The following RIF1 variants were observed in gnomAD, a reference collection of about 807,000 sequenced individuals.
The protein encoded by RIF1 is replication timing regulatory factor 1.
RIF1 carries 45 observed loss-of-function variants against 247.1 expected under a neutral mutation model. The observed-to-expected ratio is 0.18, with a 90% CI of 0.14 to 0.23. The LOEUF is 0.23. Ranked by LOEUF, RIF1 falls within the 10% of genes least tolerant of loss-of-function variation. RIF1 has a pLI of 1.00. For missense variants in RIF1, 2,967 were observed against 2,862.5 expected (o/e 1.04, Z -0.83); for synonymous variants, 1,087 against 978.8 (o/e 1.11, Z -2.06).
At chr2:151,531,308 C>CTTTTTTTTTTTTTT in the RIF1 span, among the ~76,000 whole-genome samples, 1 of 84,030 alleles carries the variant, frequency 1.2e-5, no homozygotes, top group Non-Finnish European at 2.2e-5. Context: ...TTTTTTCTTT[C>CTTTTTTTTTTTTTT]TTTTTTTTTT....
intron 9 of RIF1, chr2:151,492,272 G>C: frequency 6.2e-7 from 1 of 1,611,358 alleles, no homozygotes; most frequent in Non-Finnish European, 8.5e-7. Context: ...AAGTCTTCAT[G>C]ATATTTCACC....
rs1687270364 is a variant in RIF1 at position 151,416,703 on chromosome 2, T to G, written c.408+15T>G. On this transcript the variant is annotated intron_variant, in intron 5 of 35. Coordinates refer to ENST00000444746, the MANE Select transcript of RIF1 (RefSeq NM_018151.5). The stretch of plus-strand genomic sequence containing the variant: ...TTGGCAAAATGGTGAGTATAGTTTT[T>G]GGGTATGCCATCTTAACTATATGCC... 1.2e-6 allele frequency: 2 copies of G among 1,611,366 alleles called. No individual in the cohort carries two copies. The highest frequency in any genetic ancestry group is 2.2e-5 in the East Asian group (1 of 44,804).
intron 13 of RIF1, chr2:151,507,059 T>G (rs2069631668): frequency 8.4e-7 from 1 of 1,190,662 alleles, no homozygotes; most frequent in African/African-American, 1.5e-5. Context: ...AACATTGCTT[T>G]GTTTTCTTTA....
At chr2:151,503,945 T>G (rs1265723319) in intron 12 of RIF1, among the ~76,000 whole-genome samples, 1 of 152,224 alleles carries the variant, frequency 6.6e-6, no homozygotes, top group Non-Finnish European at 1.5e-5. Context: ...TGAGATGGCT[T>G]AATCAGTTTA....
the RIF1 span, chr2:151,513,680 C>G: frequency 6.3e-7 from 1 of 1,599,716 alleles, no homozygotes. Context: ...TTCCAGGTCT[C>G]GCTTATATTC....
chr2:151,531,767 G>T, the RIF1 span: 17 of 1,539,850 alleles, frequency 1.1e-5, no homozygotes, highest in Non-Finnish European at 1.4e-5. Context: ...AGTTTGAGAA[G>T]GTATTCAGTG....
At chr2:151,458,561 C>T (rs1455791148) in intron 24 of RIF1, among the ~76,000 whole-genome samples, 1 of 151,852 alleles carries the variant, frequency 6.6e-6, no homozygotes, top group Non-Finnish European at 1.5e-5. Flanking sequence ...GACATGAATA[C>T]TTTATATAAT....
chr2:151,426,138 T>G (rs1363834767), intron 8 of RIF1, among the ~76,000 whole-genome samples: 1 of 151,626 alleles, frequency 6.6e-6, no homozygotes, highest in Non-Finnish European at 1.5e-5. Flanking sequence ...TGTCTGGTTT[T>G]ATTATTTTTC....
intron 24 of RIF1, 93 bp downstream of exon 24, chr2:151,458,056 A>G (rs980644538): frequency 2.4e-6 from 2 of 849,002 alleles, no homozygotes; most frequent in Admixed American, 2.3e-5. Flanking sequence ...CTTATGGGGT[A>G]TTGTTACAGA....
rs1559204521 is a variant in RIF1 at position 151,496,906 on chromosome 2, C to T, written c.*513+1580C>T. Reference sequence around the variant, plus strand: ...TAAATCATGAAATAGTTTTTAAAATCAGTAAGTAGTTTTTTTCTTTTCTTG... The same window carrying T: ...TAAATCATGAAATAGTTTTTAAAATTAGTAAGTAGTTTTTTTCTTTTCTTG... On this transcript the variant is annotated intron_variant and NMD_transcript_variant, in intron 10 of 13. Transcript: ENST00000454583. 2.7e-6 allele frequency: 4 copies of T among 1,502,432 alleles called. No homozygotes were observed. The South Asian group carries it at 4.9e-5, about 18-fold the overall frequency. The allele number at this position is 1,502,432 out of a possible 1,614,324, so 93.1% of individuals were successfully genotyped here.
At position 151,491,832 on chromosome 2, in the gene RIF1, A is replaced by G. The variant is rs978941511; in HGVS notation, c.*416-3397A>G. On this transcript the variant is annotated intron_variant and NMD_transcript_variant, in intron 9 of 13. Coordinates refer to the RIF1 transcript ENST00000454583. ...TTCTTGGAGTTTTCCAATAACTTGA[A>G]AACCAAGGCATGAATTTTAACAACC... 44 of 1,367,014 alleles carry G rather than the reference A, an allele frequency of 3.2e-5. No homozygotes were observed. The African/African-American group carries it at 5.5e-4, about 17-fold the overall frequency. 84.7% of individuals were successfully genotyped at this position (1,367,014 alleles called of 1,614,324 possible). A position where few individuals can be genotyped will look rare whatever the true frequency, so the allele number is the denominator to read the frequency against.
chr2:151,415,833 T>G (rs1186340898), intron 4 of RIF1, among the ~76,000 whole-genome samples: 1 of 151,964 alleles, frequency 6.6e-6, no homozygotes, highest in East Asian at 1.9e-4. Flanking sequence ...GCCAAGGTGT[T>G]GCCATTGCAC....
At chr2:151,442,767 A>ATTTTTTT (rs59128582) in intron 16 of RIF1, among the ~76,000 whole-genome samples, 2 of 104,058 alleles carry the variant, frequency 1.9e-5, no homozygotes, top group African/African-American at 3.4e-5. Context: ...AAAGAGCTTG[A>ATTTTTTT]TTTTTTTTTT....
the RIF1 span, among the ~76,000 whole-genome samples, chr2:151,515,425 C>G: frequency 6.6e-6 from 1 of 152,148 alleles, no homozygotes; most frequent in Non-Finnish European, 1.5e-5. Context: ...GATGCCCAGG[C>G]TGGTCTCAAA....
Position 151,463,066 on chromosome 2 carries a change from A to G in RIF1, c.3546A>G (p.Lys1182=), listed in dbSNP as rs764968904. The part of the protein sequence containing the change: ...ERKKALISSR[K]TSTECASSTE... ...AAAAAGCTTTAATTTCATCAAGGAAAACATCAACTGAATGTGCATCTAGTA... is the reference window on the plus strand; with the variant it reads ...AAAAAGCTTTAATTTCATCAAGGAAGACATCAACTGAATGTGCATCTAGTA... Residue 1182 remains lysine (K), a synonymous_variant, in exon 30 of 36, where the codon AAA becomes AAG. Coordinates refer to ENST00000444746, the MANE Select transcript of RIF1 (RefSeq NM_018151.5). 3 of 1,613,932 alleles carry G rather than the reference A, an allele frequency of 1.9e-6. No individual in the cohort carries two copies. The highest frequency in any genetic ancestry group is 2.5e-6 in the Non-Finnish European group (3 of 1,179,932).
rs1247891422 is a variant in RIF1, at chr2:151,476,010, T to C, written c.*939T>C. 1 of 152,656 alleles carries C rather than the reference T, an allele frequency of 6.6e-6. No homozygotes were observed. Among genetic ancestry groups the C allele is most frequent in the East Asian group, 1.9e-4 (1 of 5,194 alleles). 9.5% of individuals were successfully genotyped at this position (152,656 alleles called of 1,614,324 possible). On this transcript the variant is annotated 3_prime_UTR_variant, in exon 36 of 36. Transcript: ENST00000444746. ...TTTTGTACTTGGTTAACAGTCTTAG[T>C]TAAAACATGAGTTTATTTTCTAAAA...
intron 30 of RIF1, among the ~76,000 whole-genome samples, chr2:151,467,182 T>C (rs1337629590): frequency 6.6e-6 from 1 of 151,980 alleles, no homozygotes; most frequent in Admixed American, 6.5e-5. Context: ...TGAGCTGAGA[T>C]TGTGCCACTG....
chr2:151,491,924 C>A lies in RIF1; in HGVS notation c.*416-3305C>A. 4.2e-6 allele frequency: 4 copies of A among 961,464 alleles called. No homozygotes were observed. In the South Asian group the frequency reaches 5.0e-5, roughly 12 times the overall value. The allele number at this position is 961,464 out of a possible 1,614,324, so 59.6% of individuals were successfully genotyped here. The stretch of plus-strand genomic sequence containing the variant: ...GTCATGTCTTTTCCTCAGAGGAGAA[C>A]AAAGATAAGGTAGAAATCAGCTTTG... On this transcript the variant is annotated intron_variant and NMD_transcript_variant, in intron 9 of 13. Coordinates refer to the RIF1 transcript ENST00000454583.
chr2:151,503,296 TGTG>T (rs1382904778), intron 12 of RIF1: 2 of 1,302,528 alleles, frequency 1.5e-6, no homozygotes, highest in South Asian at 1.2e-5. Flanking sequence ...GATGGGTTAT[TGTG>T]GTAAATTTTT....
Sources: gnomAD v4.1 joint callset for allele counts (sites outside exome capture counted in the v4.1 genomes callset) on GRCh38, gnomAD v4.1.1 for gene constraint, MANE v1.5 for transcripts, NCBI Gene and HGNC (gene_info 2026-07-23, HGNC 2026-07-21) for gene names.